Variants in PLCB1 observed in about 807,000 individuals in gnomAD.
The protein encoded by PLCB1 is 1-phosphatidylinositol 4,5-bisphosphate phosphodiesterase beta-1.
PLCB1 carries 46 observed loss-of-function variants against 161.8 expected under a neutral mutation model. The observed-to-expected ratio is 0.28, with a 90% confidence interval of 0.22 to 0.36. The LOEUF is 0.36. PLCB1 is among the 10% of genes least tolerant of loss of function. The pLI is 1.00. For synonymous variants in PLCB1, 517 were observed against 503.7 expected, an observed-to-expected ratio of 1.03 and a Z score of -0.35; for missense variants, 1,016 against 1,472.5, an observed-to-expected ratio of 0.69 and a Z score of 5.07.
intron 2 of PLCB1, among the ~76,000 whole-genome samples, chr20:8,191,092 GT>G (rs1355904711): frequency 6.6e-6 from 1 of 151,254 alleles, no homozygotes; most frequent in Non-Finnish European, 1.5e-5. Flanking sequence ...TACCTTTATG[GT>G]TTTTTTGTAA....
chr20:8,495,915 A>G (rs1983150934), intron 3 of PLCB1, among the ~76,000 whole-genome samples: 1 of 152,116 alleles, frequency 6.6e-6, no homozygotes, highest in Non-Finnish European at 1.5e-5. Flanking sequence ...TACTTCCCCC[A>G]AAGCAACTGA....
intron 2 of PLCB1, among the ~76,000 whole-genome samples, chr20:8,243,764 A>G (rs1980732970): frequency 6.6e-6 from 1 of 151,998 alleles, no homozygotes; most frequent in East Asian, 1.9e-4. Flanking sequence ...GATAAGGTCA[A>G]ATGCTAAAGG....
chr20:8,278,960 C>G, intron 2 of PLCB1, among the ~76,000 whole-genome samples: 1 of 141,246 alleles, frequency 7.1e-6, no homozygotes, highest in South Asian at 2.4e-4. Flanking sequence ...AAAATAAACA[C>G]GACTATACAG....
At chr20:8,695,335 G>T (rs1446269084) in intron 10 of PLCB1, among the ~76,000 whole-genome samples, 1 of 152,122 alleles carries the variant, frequency 6.6e-6, no homozygotes, top group African/African-American at 2.4e-5. Flanking sequence ...GTCTCCACGG[G>T]GCACATCTTG....
chr20:8,175,115 C>T (rs1221629231), intron 2 of PLCB1, among the ~76,000 whole-genome samples: 2 of 151,532 alleles, frequency 1.3e-5, no homozygotes, highest in African/African-American at 4.8e-5. Flanking sequence ...ACTTTTGCAC[C>T]AACCTAATAA....
At chr20:8,466,447 C>G (rs923275388) in intron 3 of PLCB1, among the ~76,000 whole-genome samples, 4 of 151,646 alleles carry the variant, frequency 2.6e-5, no homozygotes, top group Non-Finnish European at 4.4e-5. Flanking sequence ...ACATTGTGCA[C>G]ATGTACCCTA....
At chr20:8,468,572 A>T (rs1981917162) in intron 3 of PLCB1, among the ~76,000 whole-genome samples, 1 of 152,194 alleles carries the variant, frequency 6.6e-6, no homozygotes, top group African/African-American at 2.4e-5. Context: ...GCCACAATAC[A>T]TGCAAGTTTT....
chr20:8,788,206 C>A (rs1193590404), intron 27 of PLCB1, among the ~76,000 whole-genome samples: 2 of 152,158 alleles, frequency 1.3e-5, no homozygotes, highest in Non-Finnish European at 2.9e-5. Context: ...CCACAACAAT[C>A]TAATGAATTC....
At chr20:8,759,022 G>A (rs1056630305) in intron 24 of PLCB1, among the ~76,000 whole-genome samples, 3 of 152,104 alleles carry the variant, frequency 2.0e-5, no homozygotes, top group Non-Finnish European at 4.4e-5. Context: ...AGATTCCAAC[G>A]CAGGATCCCA....
At chr20:8,863,291 C>T (rs150381652) in intron 31 of PLCB1, among the ~76,000 whole-genome samples, 1 of 152,170 alleles carries the variant, frequency 6.6e-6, no homozygotes, top group African/African-American at 2.4e-5. Context: ...CTGCATCTGA[C>T]AATAATCAAG....
intron 1 of PLCB1, among the ~76,000 whole-genome samples, chr20:8,141,349 C>T (rs1410921155): frequency 1.3e-5 from 2 of 152,062 alleles, no homozygotes; most frequent in Non-Finnish European, 2.9e-5. Context: ...GCAGGCCAGC[C>T]GCAGTGGCTC....
chr20:8,272,646 G>A (rs1982342552), intron 2 of PLCB1, among the ~76,000 whole-genome samples: 1 of 152,126 alleles, frequency 6.6e-6, no homozygotes. Context: ...AGTTTCCCAG[G>A]TTGTTTTCTC....
intron 2 of PLCB1, among the ~76,000 whole-genome samples, chr20:8,285,573 G>A (rs1259067371): frequency 6.6e-6 from 1 of 152,082 alleles, no homozygotes; most frequent in African/African-American, 2.4e-5. Context: ...GAAGGACATG[G>A]CCATTTTCTG....
chr20:8,547,074 T>C (rs1319518389), intron 3 of PLCB1, among the ~76,000 whole-genome samples: 1 of 152,142 alleles, frequency 6.6e-6, no homozygotes, highest in African/African-American at 2.4e-5. Flanking sequence ...TCTAGAATAA[T>C]AACAGGAATT....
chr20:8,367,513 T>C (rs1286052951), intron 2 of PLCB1, among the ~76,000 whole-genome samples: 1 of 152,162 alleles, frequency 6.6e-6, no homozygotes, highest in East Asian at 1.9e-4. Flanking sequence ...ATCATACCCA[T>C]TTAATAGATG....
intron 3 of PLCB1, among the ~76,000 whole-genome samples, chr20:8,430,494 A>G (rs924672245): frequency 2.6e-5 from 4 of 152,338 alleles, no homozygotes; most frequent in East Asian, 1.9e-4. Flanking sequence ...ATGGGCCCCA[A>G]GTATGGCTGA....
chr20:8,409,788 G>A (rs934502421), intron 3 of PLCB1, among the ~76,000 whole-genome samples: 3 of 151,792 alleles, frequency 2.0e-5, no homozygotes, highest in African/African-American at 7.3e-5. Context: ...TTAAGAGTGG[G>A]GATCAATAAT....
rs1014215731 is a variant in PLCB1 at position 8,423,104 on chromosome 20, A to T, written c.246+51654A>T. ...TGTCATCTACAACTTAACCAGTTTTATTTTTTTACAGCACTTATCCTTCTT... is the reference window on the plus strand; with the variant it reads ...TGTCATCTACAACTTAACCAGTTTTTTTTTTTTACAGCACTTATCCTTCTT... On this transcript the variant is annotated intron_variant, in intron 3 of 31. Transcript: ENST00000338037. Among the ~76,000 whole-genome samples the T allele has an allele frequency of 5.9e-5, 9 of 152,220 alleles. No individual in the cohort carries two copies. In the East Asian group the frequency reaches 1.7e-3, roughly 29 times the overall value.
intron 31 of PLCB1, chr20:8,792,081 C>T (rs1291977088): frequency 6.5e-6 from 1 of 152,820 alleles, no homozygotes. Flanking sequence ...TTGTTGCCTT[C>T]TAGATCCAGA....
Sources: gnomAD v4.1 joint callset for allele counts (sites outside exome capture counted in the v4.1 genomes callset) on GRCh38, gnomAD v4.1.1 for gene constraint, MANE v1.5 for transcripts, NCBI Gene and HGNC (gene_info 2026-07-23, HGNC 2026-07-21) for gene names.